COMMD8: variants seen among roughly 807,000 people sequenced by gnomAD.
The protein encoded by COMMD8 is COMM domain containing 8.
In COMMD8, 28 loss-of-function variants were observed where a neutral mutation model predicts 27.2. That is an observed-to-expected ratio of 1.03 (90% CI 0.76 to 1.41). The LOEUF (loss-of-function observed/expected upper bound fraction) is 1.41, where lower values mean the gene tolerates loss of function less well. COMMD8 is among the 40% of genes most tolerant of loss of function. The probability of loss-of-function intolerance (pLI) is 0.00; values close to 1 mark genes in which losing one functional copy is unlikely to be tolerated. For synonymous variants in COMMD8, 79 were observed against 75.5 expected, an observed-to-expected ratio of 1.05 and a Z score of -0.24; for missense variants, 217 against 211.2, an observed-to-expected ratio of 1.03 and a Z score of -0.17.
intron 2 of COMMD8, among the ~76,000 whole-genome samples, chr4:47,458,662 T>A (rs1422547155): frequency 6.6e-6 from 1 of 152,046 alleles, no homozygotes; most frequent in East Asian, 1.9e-4. Context: ...AGGTTAAAAC[T>A]GAAAAGTTGA....
intron 2 of COMMD8, 150 bp downstream of exon 2, chr4:47,459,994 A>G (rs1341229570): frequency 1.8e-6 from 1 of 567,192 alleles, no homozygotes; most frequent in East Asian, 3.2e-5. Flanking sequence ...AACTGCAAAA[A>G]CCTAGGACTT....
intron 2 of COMMD8, among the ~76,000 whole-genome samples, chr4:47,458,439 C>A (rs1231803887): frequency 6.6e-6 from 1 of 152,122 alleles, no homozygotes; most frequent in Admixed American, 6.5e-5. Flanking sequence ...CAAAAAACTA[C>A]TGAAAAATTA....
chr4:47,463,489 G>A (rs1313274385), intron 1 of COMMD8, 97 bp downstream of exon 1: 3 of 1,158,844 alleles, frequency 2.6e-6, no homozygotes, highest in Non-Finnish European at 3.7e-6. Context: ...TCCCTAGGGA[G>A]CTTGCGAAGG....
chr4:47,457,431 C>G (rs1323289994), intron 2 of COMMD8, among the ~76,000 whole-genome samples: 1 of 151,556 alleles, frequency 6.6e-6, no homozygotes, highest in Admixed American at 6.6e-5. Context: ...ATAGCTGACA[C>G]AAAGAAACGA....
intron 1 of COMMD8, among the ~76,000 whole-genome samples, chr4:47,461,103 T>C (rs944861851): frequency 1.3e-5 from 2 of 152,206 alleles, no homozygotes; most frequent in African/African-American, 4.8e-5. Context: ...TGCAAATCAC[T>C]TGGCATCTTC....
At chr4:47,459,034 A>C (rs12510975) in intron 2 of COMMD8, among the ~76,000 whole-genome samples, 1 of 151,898 alleles carries the variant, frequency 6.6e-6, no homozygotes, top group Non-Finnish European at 1.5e-5. Flanking sequence ...ATAATGTGAA[A>C]GCTAAAACAA....
intron 3 of COMMD8, 60 bp from the exon 4 acceptor site, chr4:47,453,274 C>T: frequency 7.2e-7 from 1 of 1,382,800 alleles, no homozygotes; most frequent in Non-Finnish European, 1.0e-6. Flanking sequence ...ATTGAGTATA[C>T]ATCAGAGGTT....
Position 47,451,490 on chromosome 4 carries a change from G to A in COMMD8, c.*155C>T, listed in dbSNP as rs2109352140. On this transcript the variant is annotated 3_prime_UTR_variant, in exon 5 of 5. Transcript: ENST00000381571. ...ACCATGTAATTTCCTGTTAAGGAATGTTGATAAATTTTTATCTTTATAATA... is the reference window on the plus strand; with the variant it reads ...ACCATGTAATTTCCTGTTAAGGAATATTGATAAATTTTTATCTTTATAATA... 4 of 610,132 alleles carry A rather than the reference G, an allele frequency of 6.6e-6. No individual in the cohort carries two copies. In the South Asian group the frequency reaches 7.8e-5, roughly 12 times the overall value. The allele number at this position is 610,132 out of a possible 1,614,324, so 37.8% of individuals were successfully genotyped here.
chr4:47,462,071 G>C (rs1356898611), intron 1 of COMMD8, among the ~76,000 whole-genome samples: 1 of 152,094 alleles, frequency 6.6e-6, no homozygotes, highest in Non-Finnish European at 1.5e-5. Context: ...AGGCTGGAGA[G>C]GTGGGTGGAG....
intron 2 of COMMD8, among the ~76,000 whole-genome samples, chr4:47,458,259 T>A (rs1445830581): frequency 6.6e-6 from 1 of 152,000 alleles, no homozygotes; most frequent in Non-Finnish European, 1.5e-5. Context: ...TGACTACTGG[T>A]GTTAGCCAAT....
At chr4:47,457,461 T>C (rs1206730127) in intron 2 of COMMD8, among the ~76,000 whole-genome samples, 3 of 152,092 alleles carry the variant, frequency 2.0e-5, no homozygotes, top group African/African-American at 4.8e-5. Context: ...AATGAGGATA[T>C]AGAAGAATTG....
At chr4:47,454,864 CAA>C (rs1187989270) in intron 3 of COMMD8, among the ~76,000 whole-genome samples, 7 of 39,496 alleles carry the variant, frequency 1.8e-4, no homozygotes, top group Admixed American at 1.3e-3. Flanking sequence ...AACTCCATCT[CAA>C]AAAAAAAAAA....
Position 47,451,181 on chromosome 4 carries a change from G to C in COMMD8, c.*464C>G, listed in dbSNP as rs553273048. 2.0e-5 allele frequency: 3 copies of C among 153,468 alleles called. No individual in the cohort carries two copies. In the South Asian group the frequency reaches 6.1e-4, roughly 31 times the overall value. 9.5% of individuals were successfully genotyped at this position (153,468 alleles called of 1,614,324 possible). On this transcript the variant is annotated 3_prime_UTR_variant, in exon 5 of 5. Transcript: ENST00000381571. ...ATATGAGAAAGACATGGAATCTCCT[G>C]AGTTATATATGCAGCTTATACATTC...
In COMMD8 at chr4:47,451,293, A is replaced by G. The variant is rs1729745904; in HGVS notation, c.*352T>C. The G allele has an allele frequency of 8.3e-6, 2 of 240,842 alleles. No homozygotes were observed. The highest frequency in any genetic ancestry group is 1.6e-5 in the Non-Finnish European group (2 of 124,522). The allele number at this position is 240,842 out of a possible 1,614,324, so 14.9% of individuals were successfully genotyped here. A position where few individuals can be genotyped will look rare whatever the true frequency, so the allele number is the denominator to read the frequency against. Reference sequence around the variant, plus strand: ...CACACAATTCTTTAAGCAATATTCAAGTATATTTGTGCTTTATATTTTTAC... The same window carrying G: ...CACACAATTCTTTAAGCAATATTCAGGTATATTTGTGCTTTATATTTTTAC... On this transcript the variant is annotated 3_prime_UTR_variant, in exon 5 of 5. Transcript: ENST00000381571.
chr4:47,456,327 A>G (rs1729888262), intron 3 of COMMD8, among the ~76,000 whole-genome samples: 1 of 142,570 alleles, frequency 7.0e-6, no homozygotes, highest in Non-Finnish European at 1.5e-5. Flanking sequence ...ATGCTGCCCC[A>G]TCACTTATGT....
At chr4:47,455,751 T>C (rs1729869826) in intron 3 of COMMD8, among the ~76,000 whole-genome samples, 1 of 152,208 alleles carries the variant, frequency 6.6e-6, no homozygotes, top group Non-Finnish European at 1.5e-5. Context: ...AATGTATTTA[T>C]TTCCTCTTCA....
intron 2 of COMMD8, 119 bp downstream of exon 2, chr4:47,460,025 A>G: frequency 1.3e-6 from 1 of 748,146 alleles, no homozygotes; most frequent in East Asian, 2.9e-5. Flanking sequence ...TTCCATTCAC[A>G]ATTATAAGGT....
At position 47,453,040 on chromosome 4, in the gene COMMD8, A is replaced by G. The variant is rs370704937; in HGVS notation, c.531+19T>C. 35 of 1,577,494 alleles carry G rather than the reference A, an allele frequency of 2.2e-5. No individual in the cohort carries two copies. The highest frequency in any genetic ancestry group is 2.9e-5 in the Non-Finnish European group (34 of 1,163,288). ...AAACCTTAAACATTCAAATCATATG[A>G]CAAAATTATAGCAAATACCTTATTC... On this transcript the variant is annotated intron_variant, in intron 4 of 4. Coordinates refer to ENST00000381571, the MANE Select transcript of COMMD8 (RefSeq NM_017845.5).
chr4:47,460,074 G>T, intron 2 of COMMD8, 70 bp downstream of exon 2: 1 of 1,273,744 alleles, frequency 7.9e-7, no homozygotes. Context: ...ATTATACATT[G>T]CTCTAAAAAA....
Sources: allele counts gnomAD v4.1 joint callset (sites outside exome capture counted in the v4.1 genomes callset), GRCh38; gene constraint gnomAD v4.1.1; transcripts MANE v1.5; gene names NCBI Gene and HGNC (gene_info 2026-07-23, HGNC 2026-07-21).